SHROOM2: variants seen among roughly 807,000 people sequenced by gnomAD.
The protein encoded by SHROOM2 is protein Shroom2.
SHROOM2 carries 33 observed loss-of-function variants against 75.9 expected under a neutral mutation model. The observed-to-expected ratio is 0.43, with a 90% confidence interval of 0.33 to 0.58. The LOEUF (loss-of-function observed/expected upper bound fraction) is 0.58, where lower values mean the gene tolerates loss of function less well. SHROOM2 is among the 20% of genes least tolerant of loss of function. The pLI is 0.04. For missense variants in SHROOM2, 1,434 were observed against 1,461.2 expected (o/e 0.98, Z 0.30); for synonymous variants, 655 against 663.6 (o/e 0.99, Z 0.20).
chrX:9,899,689 A>C (rs1489293586), intron 5 of SHROOM2, among the ~76,000 whole-genome samples: 3 of 112,269 alleles, frequency 2.7e-5, no homozygotes, highest in Non-Finnish European at 3.8e-5. Flanking sequence ...TGAGGCTGAA[A>C]CCAAGAATGC....
chrX:9,828,064 C>T (rs758602189), intron 1 of SHROOM2, among the ~76,000 whole-genome samples: 24 of 112,584 alleles, frequency 2.1e-4, no homozygotes, highest in Non-Finnish European at 3.8e-4. Flanking sequence ...AATTGACTCA[C>T]AGTTTCACTT....
At chrX:9,868,834 C>T (rs180863575) in intron 1 of SHROOM2, among the ~76,000 whole-genome samples, 130 of 106,627 alleles carry the variant, frequency 1.2e-3, no homozygotes, top group Non-Finnish European at 2.3e-3. Context: ...TCCACATTGG[C>T]CTCCCAAAGT....
chrX:9,915,047 G>T (rs1005881602), intron 5 of SHROOM2, among the ~76,000 whole-genome samples: 1 of 112,234 alleles, frequency 8.9e-6, no homozygotes, highest in Non-Finnish European at 1.9e-5. Flanking sequence ...GCCTGCGTTG[G>T]TGTGGCTTGC....
chrX:9,804,139 CT>C lies in SHROOM2; in HGVS notation c.165+17432del, dbSNP rs1358588452. 6.3e-5 allele frequency among the ~76,000 whole-genome samples: 7 copies of C among 111,539 alleles called. No individual in the cohort carries two copies. The Admixed American group carries it at 6.7e-4, about 11-fold the overall frequency. Reference sequence around the variant, plus strand: ...CTCTTTCTGTTAGCTCCCCGTCTTCCTTTGACAACTCCCCAGTGGATGAGGT... The same window carrying C: ...CTCTTTCTGTTAGCTCCCCGTCTTCCTTGACAACTCCCCAGTGGATGAGGT... On this transcript the variant is annotated intron_variant, in intron 1 of 9. Transcript: ENST00000380913.
intron 5 of SHROOM2, among the ~76,000 whole-genome samples, chrX:9,900,536 C>G (rs1255865505): frequency 8.9e-6 from 1 of 112,382 alleles, no homozygotes; most frequent in African/African-American, 3.2e-5. Flanking sequence ...GTTTGGATAA[C>G]AAAAGAATGT....
rs773233216 is a variant in SHROOM2, at chrX:9,894,505, C to T, written c.597C>T (p.His199=). 4 of 1,211,661 alleles carry T rather than the reference C, an allele frequency of 3.3e-6. No homozygotes were observed. The highest frequency in any genetic ancestry group is 2.2e-6 in the Non-Finnish European group (2 of 895,526). Residue 199 remains histidine, a synonymous_variant, in exon 4 of 10, where the codon CAC becomes CAT. Coordinates refer to ENST00000380913, the MANE Select transcript of SHROOM2 (RefSeq NM_001649.4). ...CCAAGTCCAACAGCAGCATCGACCA[C>T]CTGGGCAGCCACAGCAAGCGCGACT... ...SVAKSNSSID[H]LGSHSKRDSA... is the part of the protein sequence containing the mutation.
At chrX:9,829,073 G>C (rs1569143836) in intron 1 of SHROOM2, among the ~76,000 whole-genome samples, 1 of 111,895 alleles carries the variant, frequency 8.9e-6, no homozygotes, top group Admixed American at 9.5e-5. Flanking sequence ...GCCCAGGCTG[G>C]AGTATAGTGG....
At chrX:9,885,230 T>C (rs13340753) in intron 2 of SHROOM2, among the ~76,000 whole-genome samples, 28,259 of 109,889 alleles carry the variant, frequency 0.26, 3,790 homozygotes, top group African/African-American at 0.49. Context: ...TGGTTTAAAG[T>C]GTTTAAAGAG....
intron 1 of SHROOM2, among the ~76,000 whole-genome samples, chrX:9,804,173 G>T (rs1339967296): frequency 9.0e-6 from 1 of 111,616 alleles, no homozygotes; most frequent in Non-Finnish European, 1.9e-5. Context: ...GGTCTTTGGA[G>T]AGGTGGAGGC....
rs769859442 is a variant in SHROOM2 at position 9,894,905 on chromosome X, G to A, written c.997G>A (p.Glu333Lys). 10 of 1,209,216 alleles carry A rather than the reference G, an allele frequency of 8.3e-6. No homozygotes were observed. The South Asian group carries it at 1.1e-4, about 13-fold the overall frequency. ...SDSFAATKSH[E>K]KAQGPVFSEA... ...CAGCTTTGCTGCCACCAAGAGCCAC[G>A]AGAAGGCCCAGGGCCCTGTGTTCTC... is the stretch of plus-strand genomic sequence containing the variant. Residue 333 changes from glutamate to lysine, a missense_variant, in exon 4 of 10, where the codon GAG becomes AAG. Glu to Lys is a moderately conservative substitution (Grantham distance 56). This residue lies in a region of SHROOM2 where 1,340 missense variants were observed against 1,338.3 expected (regional missense o/e 1.00). Coordinates refer to ENST00000380913, the MANE Select transcript of SHROOM2 (RefSeq NM_001649.4).
chrX:9,857,710 G>A (rs1228345036), intron 1 of SHROOM2, among the ~76,000 whole-genome samples: 6 of 111,392 alleles, frequency 5.4e-5, no homozygotes, highest in Non-Finnish European at 9.4e-5. Context: ...AGTTTTAAAA[G>A]CAAAAAGATT....
intron 1 of SHROOM2, among the ~76,000 whole-genome samples, chrX:9,826,128 G>A (rs1404083394): frequency 1.8e-5 from 2 of 112,241 alleles, no homozygotes; most frequent in African/African-American, 6.5e-5. Flanking sequence ...CAGGTTCTTC[G>A]GGGGCTAATG....
intron 1 of SHROOM2, among the ~76,000 whole-genome samples, chrX:9,829,278 C>G (rs1487236341): frequency 8.9e-6 from 1 of 112,404 alleles, no homozygotes; most frequent in African/African-American, 3.2e-5. Flanking sequence ...CCCACCTCAG[C>G]CTCACAAAGT....
rs760659850 is a variant in SHROOM2, at chrX:9,895,208, G to A, written c.1300G>A (p.Asp434Asn). ...CGGCCGACACCCTCCCCTATACAGC[G>A]ACCACAGCCCCCTCTGTGCTGACAG... ...HSGRHPPLYS[D>N]HSPLCADSLG... is the part of the protein sequence containing the mutation. Residue 434 changes from aspartate to asparagine, a missense_variant, in exon 4 of 10, where the codon GAC (aspartate) becomes AAC (asparagine). Around this residue, in one of 3 missense-constraint regions of SHROOM2, gnomAD observed 1,340 missense variants for 1,338.3 expected, o/e 1.00. Transcript: ENST00000380913. 2 of 1,208,824 alleles carry A rather than the reference G, an allele frequency of 1.7e-6. No individual in the cohort carries two copies. Among genetic ancestry groups the A allele is most frequent in the East Asian group, 3.0e-5 (1 of 33,785 alleles).
chrX:9,846,892 TGGA>T (rs2084009532), intron 1 of SHROOM2, among the ~76,000 whole-genome samples: 1 of 110,832 alleles, frequency 9.0e-6, no homozygotes, highest in South Asian at 3.8e-4. Flanking sequence ...AGCTGTTTCA[TGGA>T]GCACGGGGAC....
intron 1 of SHROOM2, among the ~76,000 whole-genome samples, chrX:9,810,001 C>T (rs73472950): frequency 0.089 from 9,945 of 111,933 alleles, 999 homozygotes; most frequent in African/African-American, 0.3. Flanking sequence ...TTATGTCACA[C>T]GATAAGGGAA....
Position 9,947,816 on chromosome X carries a change from T to C in SHROOM2, c.*879T>C, listed in dbSNP as rs2084835616. ...GTATGCATATGATTGTCCGTGATAA[T>C]TGGCTACTTTTCCATTGTTTCCTCC... On this transcript the variant is annotated 3_prime_UTR_variant, in exon 10 of 10. Coordinates refer to ENST00000380913, the MANE Select transcript of SHROOM2 (RefSeq NM_001649.4). The C allele has an allele frequency of 8.9e-6, 1 of 112,472 alleles. No individual in the cohort carries two copies. Among genetic ancestry groups the C allele is most frequent in the East Asian group, 2.8e-4 (1 of 3,597 alleles). 9.3% of individuals were successfully genotyped at this position (112,472 alleles called of 1,213,427 possible).
chrX:9,794,941 A>G (rs1485567054), intron 1 of SHROOM2, among the ~76,000 whole-genome samples: 1 of 111,862 alleles, frequency 8.9e-6, no homozygotes, highest in Non-Finnish European at 1.9e-5. Context: ...TCTTGACAGT[A>G]AATTGTTTGG....
chrX:9,842,405 A>G (rs1368009814), intron 1 of SHROOM2, among the ~76,000 whole-genome samples: 1 of 112,592 alleles, frequency 8.9e-6, no homozygotes, highest in Non-Finnish European at 1.9e-5. Flanking sequence ...ATTCTGACAG[A>G]TCGCTCTGAG....
Sources: allele counts gnomAD v4.1 joint callset (sites outside exome capture counted in the v4.1 genomes callset), GRCh38; gene constraint gnomAD v4.1.1; regional missense constraint gnomAD v4.1.1; transcripts MANE v1.5; gene names NCBI Gene and HGNC (gene_info 2026-07-23, HGNC 2026-07-21).